Variants in PFKFB4 observed in about 807,000 individuals in gnomAD.
PFKFB4 encodes 6-phosphofructo-2-kinase/fructose-2,6-biphosphatase 4, also known as 6-phosphofructo-2-kinase/fructose-2,6-bisphosphatase 4.
A neutral mutation model predicts 62.8 loss-of-function variants in PFKFB4; 42 were observed. The observed-to-expected ratio is 0.67, with a 90% CI of 0.52 to 0.86. The LOEUF (loss-of-function observed/expected upper bound fraction) is 0.86. Ranked by LOEUF, PFKFB4 falls within the 40% of genes least tolerant of loss-of-function variation. PFKFB4 has a pLI of 0.00. For synonymous variants in PFKFB4, 204 were observed against 240.7 expected (o/e 0.85, Z 1.41); for missense variants, 475 against 627.2 (o/e 0.76, Z 2.59).
At chr3:48,549,125 C>T (rs187672226) in intron 3 of PFKFB4, among the ~76,000 whole-genome samples, 1 of 152,200 alleles carries the variant, frequency 6.6e-6, no homozygotes, top group Non-Finnish European at 1.5e-5. Context: ...GAGAAAAGCA[C>T]AGCATGGCTG....
At chr3:48,539,390 A>G (rs1376595968) in intron 5 of PFKFB4, 80 bp from the exon 6 acceptor site, 73 of 1,227,780 alleles carry the variant, frequency 5.9e-5, no homozygotes, top group Non-Finnish European at 8.3e-5. Context: ...TGCTCCTCGG[A>G]GCTCTCCATC....
intron 4 of PFKFB4, among the ~76,000 whole-genome samples, chr3:48,542,267 G>A (rs1484964066): frequency 6.6e-6 from 1 of 150,856 alleles, no homozygotes; most frequent in Non-Finnish European, 1.5e-5. Flanking sequence ...CCAGGAGGAG[G>A]AGCTTGTAGT....
At chr3:48,547,154 T>C (rs2042989931) in intron 3 of PFKFB4, among the ~76,000 whole-genome samples, 1 of 152,174 alleles carries the variant, frequency 6.6e-6, no homozygotes, top group Non-Finnish European at 1.5e-5. Context: ...TGTGTGTGTA[T>C]ATACAGGGTG....
At chr3:48,543,484 C>T in intron 4 of PFKFB4, 96 bp downstream of exon 4, 1 of 1,166,424 alleles carries the variant, frequency 8.6e-7, no homozygotes. Flanking sequence ...GGCACACACA[C>T]CCTGCCTTCC....
upstream of PFKFB4, chr3:48,559,827 TCTCAAAG>T (rs1250660195): frequency 2.9e-6 from 1 of 344,554 alleles, no homozygotes; most frequent in Non-Finnish European, 5.8e-6. Context: ...GGTGGCCAGT[TCTCAAAG>T]CTCAAACTCT....
chr3:48,551,214 CTTTT>C (rs773561800), intron 1 of PFKFB4, among the ~76,000 whole-genome samples: 2 of 135,082 alleles, frequency 1.5e-5, no homozygotes, highest in Admixed American at 7.5e-5. Flanking sequence ...GCTCACTTTT[CTTTT>C]TTTTTTTTTT....
chr3:48,553,610 G>T (rs1029902922), intron 1 of PFKFB4, among the ~76,000 whole-genome samples: 3 of 152,236 alleles, frequency 2.0e-5, no homozygotes, highest in African/African-American at 7.2e-5. Flanking sequence ...GAGCGAAGGG[G>T]CCCAAGGGGC....
chr3:48,521,658 C>T lies in PFKFB4; in HGVS notation c.1350+328G>A, dbSNP rs1352519977. ...CTCATTCTCACTGAGCCCAAGGGCC[C>T]CCTTGACTTAGACCTCCAAGTTGCT... On this transcript the variant is annotated intron_variant, in intron 13 of 13. Transcript: ENST00000232375. This position sits in a 1 kb window ranked among gnomAD's most constrained non-coding sequence, Gnocchi z 5.3. 6.6e-6 allele frequency among the ~76,000 whole-genome samples: 1 copy of T among 152,186 alleles called. No homozygotes were observed. The highest frequency in any genetic ancestry group is 1.5e-5 in the Non-Finnish European group (1 of 68,030).
At chr3:48,525,763 A>T (rs1291677248) in intron 9 of PFKFB4, 94 bp from the exon 10 acceptor site, 1 of 550,354 alleles carries the variant, frequency 1.8e-6, no homozygotes, top group Non-Finnish European at 3.2e-6. Context: ...AGAAGAGACC[A>T]AGTTCACGGG....
chr3:48,549,378 C>T (rs536911197), intron 3 of PFKFB4, among the ~76,000 whole-genome samples: 1 of 152,214 alleles, frequency 6.6e-6, no homozygotes, highest in African/African-American at 2.4e-5. Flanking sequence ...GGGAGGAAGC[C>T]CCCCACCCCC....
chr3:48,559,705 G>A (rs899219609), upstream of PFKFB4: 2 of 423,132 alleles, frequency 4.7e-6, no homozygotes, highest in Non-Finnish European at 9.7e-6. Context: ...AACATGTTCT[G>A]CTCAGCCTCT....
intron 9 of PFKFB4, among the ~76,000 whole-genome samples, chr3:48,533,817 G>T (rs1255511245): frequency 1.1e-4 from 16 of 152,202 alleles, no homozygotes; most frequent in Admixed American, 1.0e-3. Flanking sequence ...TCGTGCCATT[G>T]CACTCCAGCC....
chr3:48,549,001 A>T (rs561552070), intron 3 of PFKFB4, among the ~76,000 whole-genome samples: 1 of 152,220 alleles, frequency 6.6e-6, no homozygotes, highest in South Asian at 2.1e-4. Flanking sequence ...TGGGGAAGTC[A>T]CTAGAGCTGG....
At position 48,523,313 on chromosome 3, in the gene PFKFB4, G is replaced by A. The variant is rs2267845; in HGVS notation, c.1285+224C>T. 2.0e-3 allele frequency among the ~76,000 whole-genome samples: 306 copies of A among 152,280 alleles called. 6 individuals are homozygous for A. In the East Asian group the frequency reaches 0.051, roughly 25 times the overall value. Reference sequence around the variant, plus strand: ...GCAAGAGAATCATCTGAACCCGGGAGGTGGAGGTTGTAGTGAGCCTAGATC... The same window carrying A: ...GCAAGAGAATCATCTGAACCCGGGAAGTGGAGGTTGTAGTGAGCCTAGATC... On this transcript the variant is annotated intron_variant, in intron 12 of 13. Coordinates refer to ENST00000232375, the MANE Select transcript of PFKFB4 (RefSeq NM_004567.4).
At chr3:48,550,083 A>T in intron 2 of PFKFB4, 35 bp downstream of exon 2, 1 of 1,514,098 alleles carries the variant, frequency 6.6e-7, no homozygotes, top group Non-Finnish European at 9.2e-7. Context: ...CATGCCCCAC[A>T]AAGCTCCCCT....
At chr3:48,551,524 T>C (rs1304170587) in intron 1 of PFKFB4, among the ~76,000 whole-genome samples, 1 of 95,762 alleles carries the variant, frequency 1.0e-5, no homozygotes, top group Non-Finnish European at 2.1e-5. Context: ...GCCTTCTTTT[T>C]TTTTTTTTTT....
chr3:48,561,148 CT>C (rs1325926493), upstream of PFKFB4: 17 of 1,233,974 alleles, frequency 1.4e-5, no homozygotes, highest in Non-Finnish European at 1.8e-5. This position sits in a 1 kb window ranked among gnomAD's most constrained non-coding sequence, Gnocchi z 5.2. Flanking sequence ...CCACTGCCCC[CT>C]GCAGCTCCAG....
At chr3:48,520,283 G>A (rs1560147218) in intron 13 of PFKFB4, among the ~76,000 whole-genome samples, 1 of 152,166 alleles carries the variant, frequency 6.6e-6, no homozygotes, top group Non-Finnish European at 1.5e-5. Context: ...TGTCCCCTCA[G>A]AACTGGGGTA....
At chr3:48,532,631 G>A (rs1300342808) in intron 9 of PFKFB4, among the ~76,000 whole-genome samples, 2 of 152,152 alleles carry the variant, frequency 1.3e-5, no homozygotes, top group African/African-American at 4.8e-5. Context: ...TGGTAGAATC[G>A]CTTGAGGCTA....
Sources: gnomAD v4.1 joint callset for allele counts (sites outside exome capture counted in the v4.1 genomes callset) on GRCh38, gnomAD v4.1.1 for gene constraint, Gnocchi (gnomAD v3.1) non-coding constraint, MANE v1.5 for transcripts, NCBI Gene and HGNC (gene_info 2026-07-23, HGNC 2026-07-21) for gene names.